FAM149A: variants seen among roughly 807,000 people sequenced by gnomAD.
The protein encoded by FAM149A is protein FAM149A.
FAM149A carries 71 observed loss-of-function variants against 78.2 expected under a neutral mutation model. The observed-to-expected ratio is 0.91, with a 90% confidence interval of 0.75 to 1.11. The LOEUF (loss-of-function observed/expected upper bound fraction) is 1.11, where lower values mean the gene tolerates loss of function less well. FAM149A is among the 50% of genes least tolerant of loss of function. The probability of loss-of-function intolerance (pLI) is 0.00; values close to 1 mark genes in which losing one functional copy is unlikely to be tolerated. For synonymous variants in FAM149A, 446 were observed against 410.5 expected (o/e 1.09, Z -1.04); for missense variants, 1,036 against 971.0 (o/e 1.07, Z -0.89).
At chr4:186,115,398 CAA>C (rs1201435307) in intron 1 of FAM149A, among the ~76,000 whole-genome samples, 1 of 149,704 alleles carries the variant, frequency 6.7e-6, no homozygotes, top group Non-Finnish European at 1.5e-5. Context: ...CTCAGCTCGT[CAA>C]AGTCATTCTC....
In FAM149A at chr4:186,144,866, C is replaced by T. The variant is rs1732878127; in HGVS notation, c.567-4307C>T. ...GCGGAGGATCTGGAGAGGGAAGGGG[C>T]GTGCGAGCCCCGCGGACCCCGGGCG... On this transcript the variant is annotated intron_variant, in intron 1 of 13. Coordinates refer to ENST00000389354, the MANE Select transcript of FAM149A (RefSeq NM_001367768.3). This position sits in a 1 kb window ranked among gnomAD's most constrained non-coding sequence, Gnocchi z 4.2. The T allele has an allele frequency of 1.0e-6, 1 of 977,992 alleles. No individual in the cohort carries two copies. Among genetic ancestry groups the T allele is most frequent in the Non-Finnish European group, 1.2e-6 (1 of 827,008 alleles). The allele number at this position is 977,992 out of a possible 1,614,324, so 60.6% of individuals were successfully genotyped here. A position where few individuals can be genotyped will look rare whatever the true frequency, so the allele number is the denominator to read the frequency against.
In FAM149A at chr4:186,174,097, T is replaced by C. The variant is rs989807635; in HGVS notation, c.*2110T>C. Among the ~76,000 whole-genome samples, 49 of 109,484 alleles carry C rather than the reference T, an allele frequency of 4.5e-4. 14 individuals carry two copies. The highest frequency in any genetic ancestry group is 4.3e-4 in the Non-Finnish European group (19 of 43,696). 71.8% of individuals were successfully genotyped at this position (109,484 alleles called of 152,430 possible). Reference sequence around the variant, plus strand: ...AGTCCAAACTTCCTTTTTTTTTTTTTTTACTTGAAGTTCAGGGGTACATGT... The same window carrying C: ...AGTCCAAACTTCCTTTTTTTTTTTTCTTACTTGAAGTTCAGGGGTACATGT... On this transcript the variant is annotated 3_prime_UTR_variant, in exon 14 of 14. Coordinates refer to ENST00000389354, the MANE Select transcript of FAM149A (RefSeq NM_001367768.3).
intron 8 of FAM149A, 189 bp downstream of exon 8, chr4:186,157,908 C>A (rs1445774172): frequency 3.3e-6 from 5 of 1,533,892 alleles, no homozygotes; most frequent in Non-Finnish European, 3.5e-6. Flanking sequence ...GCCTGGAGAC[C>A]TGGACGTCCT....
chr4:186,162,480 G>A (rs1220079140), intron 8 of FAM149A, among the ~76,000 whole-genome samples: 1 of 152,156 alleles, frequency 6.6e-6, no homozygotes, highest in Non-Finnish European at 1.5e-5. Flanking sequence ...CTCAGAGCAT[G>A]GGGGGAGACT....
At chr4:186,158,214 C>A (rs977566869) in intron 8 of FAM149A, 1 of 1,274,834 alleles carries the variant, frequency 7.8e-7, no homozygotes, top group Non-Finnish European at 1.0e-6. Context: ...TCTCCTGGAA[C>A]CTTCACTCGC....
chr4:186,169,727 C>G, intron 13 of FAM149A: 1 of 985,274 alleles, frequency 1.0e-6, no homozygotes, highest in Non-Finnish European at 1.2e-6. Context: ...CGGGGGACTG[C>G]AGTGACCCCC....
Position 186,174,468 on chromosome 4 carries a change from T to C in FAM149A, c.*2481T>C, listed in dbSNP as rs1048852285. Among the ~76,000 whole-genome samples the C allele has an allele frequency of 1.2e-4, 14 of 112,150 alleles. 2 individuals carry two copies. The highest frequency in any genetic ancestry group is 3.6e-4 in the African/African-American group (13 of 35,692). The allele number at this position is 112,150 out of a possible 152,430, so 73.6% of individuals were successfully genotyped here. A position where few individuals can be genotyped will look rare whatever the true frequency, so the allele number is the denominator to read the frequency against. Reference sequence around the variant, plus strand: ...TAGGGAAAACACCGGATATTCAGTCTAAACTAACATTAAGGTAGGGTATCC... The same window carrying C: ...TAGGGAAAACACCGGATATTCAGTCCAAACTAACATTAAGGTAGGGTATCC... On this transcript the variant is annotated 3_prime_UTR_variant, in exon 14 of 14. Coordinates refer to ENST00000389354, the MANE Select transcript of FAM149A (RefSeq NM_001367768.3).
At chr4:186,137,238 T>A (rs1325052543) in intron 1 of FAM149A, among the ~76,000 whole-genome samples, 3 of 142,688 alleles carry the variant, frequency 2.1e-5, no homozygotes, top group Non-Finnish European at 4.6e-5. Context: ...ATTTACTGGA[T>A]GTTGCTGACC....
intron 1 of FAM149A, among the ~76,000 whole-genome samples, chr4:186,133,721 T>C (rs1365354487): frequency 3.3e-5 from 5 of 152,172 alleles, no homozygotes; most frequent in Non-Finnish European, 7.3e-5. Flanking sequence ...AGTGGCGTGA[T>C]CATAGCTCAC....
chr4:186,110,686 T>C (rs2099310872), intron 1 of FAM149A, among the ~76,000 whole-genome samples: 1 of 135,276 alleles, frequency 7.4e-6, no homozygotes. Flanking sequence ...AGAATGATGA[T>C]TTCCAATTTC....
At chr4:186,127,866 T>G (rs1352504632) in intron 1 of FAM149A, among the ~76,000 whole-genome samples, 1 of 151,720 alleles carries the variant, frequency 6.6e-6, no homozygotes, top group East Asian at 1.9e-4. Flanking sequence ...TTTTGTATTT[T>G]TAGTAGAGAC....
chr4:186,147,904 G>T (rs1036472724), intron 1 of FAM149A, among the ~76,000 whole-genome samples: 1 of 152,024 alleles, frequency 6.6e-6, no homozygotes, highest in Non-Finnish European at 1.5e-5. Context: ...CTGGTTGTCC[G>T]TAAGATACCT....
At chr4:186,170,014 C>A (rs750376881) in intron 13 of FAM149A, 63 of 882,784 alleles carry the variant, frequency 7.1e-5, no homozygotes, top group Admixed American at 1.2e-4. Flanking sequence ...AGTTCATCCC[C>A]ATTTGGGGAG....
chr4:186,111,799 C>G (rs1031021709), intron 1 of FAM149A, among the ~76,000 whole-genome samples: 25 of 151,038 alleles, frequency 1.7e-4, no homozygotes, highest in African/African-American at 5.6e-4. Context: ...GTTACTGTAG[C>G]CTTGTAGTAT....
At chr4:186,124,125 C>T (rs972867785) in intron 1 of FAM149A, 19 of 984,598 alleles carry the variant, frequency 1.9e-5, no homozygotes, top group South Asian at 1.9e-4. Flanking sequence ...GATGGACTTA[C>T]GATAAGATAC....
Position 186,171,966 on chromosome 4 carries a change from G to T in FAM149A, c.2271G>T (p.Arg757Ser), listed in dbSNP as rs771385276. 6.2e-7 allele frequency: 1 copy of T among 1,612,598 alleles called. No homozygotes were observed. Among genetic ancestry groups the T allele is most frequent in the Admixed American group, 1.7e-5 (1 of 59,770 alleles). ...AGAGGACAACTTTGACTTTCAAGAG[G>T]AGATTCCAAGTGACATCTTGAAACC... Residue 757 changes from arginine (R) to serine (S), a missense_variant, in exon 14 of 14, where the codon AGG becomes AGT. Coordinates refer to ENST00000389354, the MANE Select transcript of FAM149A (RefSeq NM_001367768.3).
chr4:186,153,507 T>C, intron 4 of FAM149A, 138 bp from the exon 5 acceptor site: 1 of 1,481,412 alleles, frequency 6.8e-7, no homozygotes, highest in Non-Finnish European at 9.1e-7. Context: ...ACTTCTGTGA[T>C]GCGTGATGCT....
chr4:186,156,141 AG>A lies in FAM149A; in HGVS notation c.1372del (p.Glu458AsnfsTer6). On this transcript the variant is annotated frameshift_variant, in exon 7 of 14. Transcript: ENST00000389354. LOFTEE classifies it high-confidence loss of function. ...TTGATCACGTCTGGACAAATATGGT[AG>A]AACTTTTGGAAGAGCTGATTAGAAA... is the stretch of plus-strand genomic sequence containing the variant. 6.2e-7 allele frequency: 1 copy of A among 1,613,792 alleles called. No homozygotes were observed. Among genetic ancestry groups the A allele is most frequent in the Non-Finnish European group, 8.5e-7 (1 of 1,179,884 alleles).
At chr4:186,159,926 C>CACCAA (rs1734380224) in intron 8 of FAM149A, among the ~76,000 whole-genome samples, 1 of 137,688 alleles carries the variant, frequency 7.3e-6, no homozygotes, top group Non-Finnish European at 1.6e-5. Flanking sequence ...CACACACACA[C>CACCAA]ACACACCACA....
Sources: gnomAD v4.1 joint callset for allele counts (sites outside exome capture counted in the v4.1 genomes callset) on GRCh38, gnomAD v4.1.1 for gene constraint, Gnocchi (gnomAD v3.1) non-coding constraint, MANE v1.5 for transcripts, NCBI Gene and HGNC (gene_info 2026-07-23, HGNC 2026-07-21) for gene names.